GFOD1: variants seen among roughly 807,000 people sequenced by gnomAD.
GFOD1 encodes the protein Gfo/Idh/MocA-like oxidoreductase domain containing 1, also known as glucose-fructose oxidoreductase domain-containing protein 1.
GFOD1 carries 9 observed loss-of-function variants against 25.4 expected under a neutral mutation model. That is an observed-to-expected ratio of 0.35 (90% CI 0.21 to 0.62). The LOEUF is 0.62. GFOD1 is among the 20% of genes least tolerant of loss of function. GFOD1 has a pLI of 0.72. For synonymous variants in GFOD1, 253 were observed against 245.6 expected (o/e 1.03, Z -0.28); for missense variants, 403 against 556.9 (o/e 0.72, Z 2.78).
At chr6:13,436,748 G>A (rs1002109518) in intron 1 of GFOD1, among the ~76,000 whole-genome samples, 1 of 152,218 alleles carries the variant, frequency 6.6e-6, no homozygotes, top group African/African-American at 2.4e-5. Flanking sequence ...GAATTGCTGG[G>A]CACATACTTA....
intron 1 of GFOD1, among the ~76,000 whole-genome samples, chr6:13,462,147 A>G (rs898637404): frequency 6.6e-6 from 1 of 152,234 alleles, no homozygotes; most frequent in African/African-American, 2.4e-5. Context: ...GCACATGGCA[A>G]ATACCATGGG....
chr6:13,403,817 G>A (rs1280029635), intron 1 of GFOD1, among the ~76,000 whole-genome samples: 1 of 152,306 alleles, frequency 6.6e-6, no homozygotes, highest in African/African-American at 2.4e-5. Context: ...CTCCAGAAAA[G>A]GCAAATCTAT....
intron 1 of GFOD1, among the ~76,000 whole-genome samples, chr6:13,409,229 G>A (rs1411223235): frequency 1.4e-5 from 2 of 142,218 alleles, no homozygotes; most frequent in South Asian, 2.3e-4. Flanking sequence ...GAGAGAGGAA[G>A]GAAGGAAGGA....
intron 1 of GFOD1, among the ~76,000 whole-genome samples, chr6:13,423,233 A>AGCCGAGATTGCGCCAC (rs1562214486): frequency 2.0e-5 from 3 of 152,040 alleles, no homozygotes; most frequent in African/African-American, 7.3e-5. Context: ...GAACAGTTTG[A>AGCCGAGATTGCGCCAC]TTTACAATGT....
At chr6:13,369,379 T>C (rs1785105499) in intron 1 of GFOD1, among the ~76,000 whole-genome samples, 2 of 152,236 alleles carry the variant, frequency 1.3e-5, no homozygotes, top group Non-Finnish European at 2.9e-5. Context: ...GCATTATTTA[T>C]TATAGCAAAA....
intron 1 of GFOD1, among the ~76,000 whole-genome samples, chr6:13,391,527 A>G (rs974429015): frequency 2.0e-5 from 3 of 151,676 alleles, no homozygotes; most frequent in African/African-American, 7.3e-5. Flanking sequence ...AAAAAAAAAA[A>G]AAAGAAAGAG....
At chr6:13,437,000 G>A (rs1354017719) in intron 1 of GFOD1, among the ~76,000 whole-genome samples, 4 of 152,340 alleles carry the variant, frequency 2.6e-5, no homozygotes, top group South Asian at 4.1e-4. Context: ...CAGAGGCTCT[G>A]GGAAAGCAGG....
At chr6:13,453,101 C>T (rs1758126880) in intron 1 of GFOD1, among the ~76,000 whole-genome samples, 1 of 152,194 alleles carries the variant, frequency 6.6e-6, no homozygotes, top group South Asian at 2.1e-4. Flanking sequence ...TGAGTTTGCA[C>T]CAAACCTATC....
chr6:13,478,409 G>A (rs1051579034), intron 1 of GFOD1, among the ~76,000 whole-genome samples: 2 of 152,204 alleles, frequency 1.3e-5, no homozygotes, highest in African/African-American at 4.8e-5. Context: ...AAAGTGCTGG[G>A]ATTACAGGCG....
chr6:13,440,553 T>C (rs1757899225), intron 1 of GFOD1, among the ~76,000 whole-genome samples: 1 of 152,220 alleles, frequency 6.6e-6, no homozygotes, highest in Admixed American at 6.5e-5. Flanking sequence ...CCATCTACGA[T>C]GACTGCTCTC....
intron 1 of GFOD1, among the ~76,000 whole-genome samples, chr6:13,441,095 G>T (rs1383885701): frequency 2.0e-5 from 3 of 152,204 alleles, no homozygotes; most frequent in African/African-American, 7.2e-5. Flanking sequence ...GGTACAATAA[G>T]CATTTAACAG....
chr6:13,447,164 A>G (rs79667913), intron 1 of GFOD1, among the ~76,000 whole-genome samples: 3 of 152,346 alleles, frequency 2.0e-5, no homozygotes, highest in East Asian at 3.9e-4. Flanking sequence ...TCTTAGATCT[A>G]GAGGCTGAAA....
intron 1 of GFOD1, among the ~76,000 whole-genome samples, chr6:13,472,690 C>T (rs989628167): frequency 6.6e-6 from 1 of 152,198 alleles, no homozygotes; most frequent in African/African-American, 2.4e-5. Context: ...CTTCAAACTG[C>T]CTTTTCCATT....
Position 13,364,447 on chromosome 6 carries a change from T to A in GFOD1, c.*296A>T. 2.5e-6 allele frequency: 1 copy of A among 400,526 alleles called. No homozygotes were observed. 24.8% of individuals were successfully genotyped at this position (400,526 alleles called of 1,614,324 possible). A position where few individuals can be genotyped will look rare whatever the true frequency, so the allele number is the denominator to read the frequency against. On this transcript the variant is annotated 3_prime_UTR_variant, in exon 2 of 2. Coordinates refer to ENST00000379287, the MANE Select transcript of GFOD1 (RefSeq NM_018988.4). This position sits in a 1 kb window ranked among gnomAD's most constrained non-coding sequence, Gnocchi z 4.1. Reference sequence around the variant, plus strand: ...AGCAACCCCTCCTTGCTTGTCACAGTAAAGGGCAGCAGAGGCAGCTAAACC... The same window carrying A: ...AGCAACCCCTCCTTGCTTGTCACAGAAAAGGGCAGCAGAGGCAGCTAAACC...
chr6:13,445,903 A>G (rs923332657), intron 1 of GFOD1, among the ~76,000 whole-genome samples: 2 of 152,216 alleles, frequency 1.3e-5, no homozygotes, highest in Admixed American at 6.5e-5. Context: ...TGTAGGTCTG[A>G]TCTTTTCATA....
chr6:13,396,210 C>CGACA (rs1562204961), intron 1 of GFOD1, among the ~76,000 whole-genome samples: 2 of 152,166 alleles, frequency 1.3e-5, no homozygotes. Flanking sequence ...TGTTTGCCAG[C>CGACA]GACAGTACTA....
In GFOD1 at chr6:13,381,905, A is replaced by ACGCG. The variant is rs753072626; in HGVS notation, c.254-16247_254-16244dup. ...CTGGAGTAAGAGAAATAAAACACAC[A>ACGCG]CGCGCGCGCGCACACACACACACAC... On this transcript the variant is annotated intron_variant, in intron 1 of 1. Transcript: ENST00000379287. 7.6e-5 allele frequency among the ~76,000 whole-genome samples: 7 copies of ACGCG among 92,382 alleles called. No homozygotes were observed. The East Asian group carries it at 8.3e-4, about 11-fold the overall frequency. 60.6% of individuals were successfully genotyped at this position (92,382 alleles called of 152,430 possible).
At chr6:13,486,269 A>ACC (rs1758867937) in intron 1 of GFOD1, 1 of 201,292 alleles carries the variant, frequency 5.0e-6, no homozygotes, top group African/African-American at 4.5e-5. Context: ...ACACACACAC[A>ACC]CTTGGACACT....
At chr6:13,410,100 G>A (rs1786047858) in intron 1 of GFOD1, among the ~76,000 whole-genome samples, 2 of 141,830 alleles carry the variant, frequency 1.4e-5, no homozygotes, top group Admixed American at 7.6e-5. Context: ...GGGAAATAAA[G>A]CCCCAGATGA....
Sources: allele counts gnomAD v4.1 joint callset (sites outside exome capture counted in the v4.1 genomes callset), GRCh38; gene constraint gnomAD v4.1.1; non-coding constraint Gnocchi (gnomAD v3.1); transcripts MANE v1.5; gene names NCBI Gene and HGNC (gene_info 2026-07-23, HGNC 2026-07-21).